IFT46: variants seen among roughly 807,000 people sequenced by gnomAD.
The protein encoded by IFT46 is intraflagellar transport protein 46 homolog.
In IFT46, 19 loss-of-function variants were observed where a neutral mutation model predicts 39.6. The observed-to-expected ratio is 0.48, with a 90% CI of 0.33 to 0.70. IFT46 has a LOEUF of 0.70. Ranked by LOEUF, IFT46 falls within the 30% of genes least tolerant of loss-of-function variation. The pLI is 0.01. For missense variants in IFT46, 334 were observed against 364.8 expected, an observed-to-expected ratio of 0.92 and a Z score of 0.69; for synonymous variants, 117 against 134.8, an observed-to-expected ratio of 0.87 and a Z score of 0.91.
intron 3 of IFT46, among the ~76,000 whole-genome samples, chr11:118,559,567 G>A (rs1206156122): frequency 1.3e-5 from 2 of 152,190 alleles, no homozygotes; most frequent in Admixed American, 1.3e-4. Context: ...TACATTATGT[G>A]AAATTCCTCA....
chr11:118,545,630 C>G (rs536310786), intron 10 of IFT46, 136 bp from the exon 11 acceptor site: 1 of 1,060,786 alleles, frequency 9.4e-7, no homozygotes, highest in Admixed American at 1.9e-5. Flanking sequence ...AGCAGGTAGT[C>G]ACATAAGCCA....
chr11:118,563,883 AG>A (rs1443705251), intron 2 of IFT46, among the ~76,000 whole-genome samples: 1 of 151,830 alleles, frequency 6.6e-6, no homozygotes, highest in African/African-American at 2.4e-5. Flanking sequence ...TCACCCCTTT[AG>A]GTCTTCCCTG....
chr11:118,557,159 GA>G, intron 3 of IFT46, 114 bp from the exon 4 acceptor site: 1 of 963,568 alleles, frequency 1.0e-6, no homozygotes, highest in Non-Finnish European at 1.4e-6. Context: ...CTCGTCACCA[GA>G]AAGAGAAGGG....
intron 9 of IFT46, among the ~76,000 whole-genome samples, chr11:118,547,859 GCCTCAGCCTCCCAAGTAGCTGGGA>G (rs1951728764): frequency 6.9e-6 from 1 of 145,442 alleles, no homozygotes; most frequent in Non-Finnish European, 1.5e-5. Flanking sequence ...CCATTCTCCT[GCCTCAGCCTCCCAAGTAGCTGGGA>G]CTATAGGCGC....
In IFT46 at chr11:118,545,029, G is replaced by A. The variant is rs1555066710; in HGVS notation, c.820-18C>T. ...TTAAAATGCTGCAAGGAAGAGGAGA[G>A]GGAATATTGAGTATTAGGGATATGC... is the stretch of plus-strand genomic sequence containing the variant. On this transcript the variant is annotated intron_variant, in intron 11 of 11. Coordinates refer to ENST00000264021, the MANE Select transcript of IFT46 (RefSeq NM_001168618.2). 1 of 1,545,940 alleles carries A rather than the reference G, an allele frequency of 6.5e-7. No homozygotes were observed. Among genetic ancestry groups the A allele is most frequent in the Middle Eastern group, 1.7e-4 (1 of 5,932 alleles).
intron 4 of IFT46, 93 bp downstream of exon 4, chr11:118,556,813 C>G (rs1379032811): frequency 2.1e-6 from 3 of 1,400,842 alleles, no homozygotes; most frequent in East Asian, 4.9e-5. Flanking sequence ...AAAAGAGATG[C>G]TGGAATTTCA....
intron 2 of IFT46, among the ~76,000 whole-genome samples, chr11:118,563,761 C>A (rs1938139591): frequency 6.6e-6 from 1 of 152,160 alleles, no homozygotes; most frequent in African/African-American, 2.4e-5. Flanking sequence ...GGTCCTCAAA[C>A]TAAGCCAAGT....
upstream of IFT46, among the ~76,000 whole-genome samples, chr11:118,573,230 G>A (rs1423857052): frequency 3.9e-5 from 6 of 152,146 alleles, no homozygotes; most frequent in Non-Finnish European, 8.8e-5. Context: ...ATGTGAGCAG[G>A]TTCCAGAGAA....
rs1276789989 is a variant in IFT46 at position 118,554,555 on chromosome 11, A to G, written c.387T>C (p.Leu129=). ...VPRPDGKPDN[L]GLLVLDEPST... ...AAGGTTCATCCAATACCAATAGGCC[A>G]AGGTTGTCAGGCTTTCCATCAGGAC... The change falls in exon 7 of 12, where the codon CTT becomes CTC. Residue 129 remains leucine, a synonymous_variant. Coordinates refer to ENST00000264021, the MANE Select transcript of IFT46 (RefSeq NM_001168618.2). The G allele has an allele frequency of 6.2e-7, 1 of 1,611,838 alleles. No homozygotes were observed. Among genetic ancestry groups the G allele is most frequent in the Admixed American group, 1.7e-5 (1 of 59,260 alleles).
chr11:118,572,690 G>A, exon 1 of IFT46: 5 of 1,070,504 alleles, frequency 4.7e-6, no homozygotes, highest in Non-Finnish European at 5.4e-6. Context: ...TCGGGGAGCA[G>A]TGTGGCCTCC....
chr11:118,553,004 G>A (rs1937699792), intron 7 of IFT46, among the ~76,000 whole-genome samples: 2 of 151,608 alleles, frequency 1.3e-5, no homozygotes, highest in South Asian at 4.2e-4. Context: ...TAGCAGGATT[G>A]CTTGCAGATC....
rs565342061 is a variant in IFT46, at chr11:118,555,488, T to C, written c.186-166A>G. ...GCTTGCAAGGCAACTTTAAGGTTGATTGTACTTAACTCTCAATTATCTCTG... is the reference window on the plus strand; with the variant it reads ...GCTTGCAAGGCAACTTTAAGGTTGACTGTACTTAACTCTCAATTATCTCTG... On this transcript the variant is annotated intron_variant, in intron 4 of 11. Transcript: ENST00000264021. 1.1e-4 allele frequency: 66 copies of C among 583,182 alleles called. 1 individual carries two copies. Among genetic ancestry groups the C allele is most frequent in the South Asian group, 9.9e-4 (45 of 45,290 alleles). The allele number at this position is 583,182 out of a possible 1,614,324, so 36.1% of individuals were successfully genotyped here.
chr11:118,560,314 G>A (rs1937998574), intron 2 of IFT46: 1 of 177,182 alleles, frequency 5.6e-6, no homozygotes. Flanking sequence ...AGCTACTCGG[G>A]AGGCTGACGC....
chr11:118,575,889 T>TA (rs1555073436), upstream of IFT46, among the ~76,000 whole-genome samples: 1 of 152,194 alleles, frequency 6.6e-6, no homozygotes, highest in Non-Finnish European at 1.5e-5. Context: ...AGCCTAATGT[T>TA]ACTATAAAAT....
chr11:118,575,214 G>C (rs1591379144), upstream of IFT46, among the ~76,000 whole-genome samples: 1 of 152,218 alleles, frequency 6.6e-6, no homozygotes, highest in Non-Finnish European at 1.5e-5. Context: ...TCCTCACCTC[G>C]TGATCTGCCC....
Position 118,565,817 on chromosome 11 carries a change from T to A in IFT46, c.-160A>T, listed in dbSNP as rs1938208978. On this transcript the variant is annotated 5_prime_UTR_variant, in exon 1 of 12. Coordinates refer to ENST00000264021, the MANE Select transcript of IFT46 (RefSeq NM_001168618.2). ...GTAGCCCTTCTGAATCCGTCTCCTC[T>A]ATAATGGAAAGAACCCCAGCCTAGG... 1 of 152,618 alleles carries A rather than the reference T, an allele frequency of 6.6e-6. No homozygotes were observed. The highest frequency in any genetic ancestry group is 6.5e-5 in the Admixed American group (1 of 15,272). The allele number at this position is 152,618 out of a possible 1,614,324, so 9.5% of individuals were successfully genotyped here.
rs544835022 is a variant in IFT46 at position 118,547,487 on chromosome 11, T to C, written c.673-1634A>G. Among the ~76,000 whole-genome samples the C allele has an allele frequency of 2.0e-4, 30 of 152,296 alleles. No homozygotes were observed. The East Asian group carries it at 5.0e-3, about 25-fold the overall frequency. ...AGACTGGAGTGCAGTGGCATGATCTTGGCTCTCTGCAACCTCCACTTCCTG... is the reference window on the plus strand; with the variant it reads ...AGACTGGAGTGCAGTGGCATGATCTCGGCTCTCTGCAACCTCCACTTCCTG... On this transcript the variant is annotated intron_variant, in intron 9 of 11. Transcript: ENST00000264021.
intron 6 of IFT46, 104 bp from the exon 7 acceptor site, chr11:118,554,691 T>C: frequency 1.7e-6 from 2 of 1,164,090 alleles, no homozygotes; most frequent in Non-Finnish European, 1.2e-6. Context: ...AAAGCATGCT[T>C]ATCATGCTGT....
upstream of IFT46, among the ~76,000 whole-genome samples, chr11:118,574,608 T>A (rs1555073114): frequency 1.3e-5 from 2 of 152,212 alleles, no homozygotes; most frequent in Admixed American, 6.5e-5. Flanking sequence ...ATTGATTTTT[T>A]AAAAAATAAA....
Sources: gnomAD v4.1 joint callset for allele counts (sites outside exome capture counted in the v4.1 genomes callset) on GRCh38, gnomAD v4.1.1 for gene constraint, MANE v1.5 for transcripts, NCBI Gene and HGNC (gene_info 2026-07-23, HGNC 2026-07-21) for gene names.